The following GCC2 variants were observed in gnomAD, a reference collection of about 807,000 sequenced individuals.
GCC2 encodes the protein GRIP and coiled-coil domain-containing protein 2.
GCC2 carries 120 observed loss-of-function variants against 210.6 expected under a neutral mutation model. The observed-to-expected ratio is 0.57, with a 90% confidence interval of 0.49 to 0.66. The LOEUF is 0.66. Among genes scored for constraint, GCC2 ranks in the 30% least tolerant of loss-of-function variants. The probability of loss-of-function intolerance (pLI) is 0.00; values close to 1 mark genes in which losing one functional copy is unlikely to be tolerated. For missense variants in GCC2, 1,868 were observed against 1,871.9 expected (o/e 1.00, Z 0.04); for synonymous variants, 703 against 652.7 (o/e 1.08, Z -1.17).
chr2:108,482,853 T>C (rs1681940599), intron 11 of GCC2, among the ~76,000 whole-genome samples: 1 of 152,076 alleles, frequency 6.6e-6, no homozygotes, highest in Non-Finnish European at 1.5e-5. Flanking sequence ...ATTTTCCGTG[T>C]GTATTTTTAG....
At chr2:108,482,832 A>G (rs916882136) in intron 11 of GCC2, among the ~76,000 whole-genome samples, 2 of 151,914 alleles carry the variant, frequency 1.3e-5, no homozygotes, top group Admixed American at 1.3e-4. Flanking sequence ...ACTCACCACC[A>G]TGCCCAGCTA....
At chr2:108,449,719 C>T (rs1410323639) in intron 2 of GCC2, 30 bp downstream of exon 2, 3 of 1,585,462 alleles carry the variant, frequency 1.9e-6, no homozygotes, top group Admixed American at 1.7e-5. Context: ...AGCGGGCTTC[C>T]TGAAGAGTGG....
chr2:108,457,646 T>G (rs2104415814), intron 4 of GCC2, among the ~76,000 whole-genome samples: 1 of 152,332 alleles, frequency 6.6e-6, no homozygotes. Context: ...CTCTTCAGTT[T>G]CTTTCATCTG....
chr2:108,496,286 C>T (rs2581004), intron 20 of GCC2: 2 of 152,168 alleles, frequency 1.3e-5, no homozygotes, highest in South Asian at 2.1e-4. Flanking sequence ...ATTTTATTAC[C>T]TGTAATTAAT....
At chr2:108,460,651 C>T (rs1462329114) in intron 4 of GCC2, among the ~76,000 whole-genome samples, 2 of 152,148 alleles carry the variant, frequency 1.3e-5, no homozygotes, top group Non-Finnish European at 2.9e-5. Flanking sequence ...AGCTTTTGCT[C>T]GTCTGGAGAA....
intron 4 of GCC2, among the ~76,000 whole-genome samples, chr2:108,457,169 GGT>G (rs1352088182): frequency 6.6e-6 from 1 of 152,062 alleles, no homozygotes; most frequent in African/African-American, 2.4e-5. Context: ...TCAACTAAAT[GGT>G]GAGAGATAGG....
rs573933759 is a variant in GCC2, at chr2:108,497,217, C to T, written c.4782+108C>T. 6.4e-5 allele frequency: 101 copies of T among 1,566,758 alleles called. 1 individual carries two copies. The African/African-American group carries it at 1.0e-3, about 16-fold the overall frequency. On this transcript the variant is annotated intron_variant, in intron 21 of 22. Transcript: ENST00000309863. ...CTGCAAGCTCCACCTCCCAGGTTCA[C>T]GCCATTCTCCTGCCTCAGCCTCCCG...
Position 108,470,601 on chromosome 2 carries a change from A to G in GCC2, c.1272A>G (p.Arg424=). Reference sequence around the variant, plus strand: ...GCTATACTGTAGAACAGCATAACAGAGAAGTACAGAGTCTTAAGGAACAAC... The same window carrying G: ...GCTATACTGTAGAACAGCATAACAGGGAAGTACAGAGTCTTAAGGAACAAC... ...QFCYTVEQHN[R]EVQSLKEQHQ... The change falls in exon 6 of 23, where the codon AGA becomes AGG. Residue 424 remains arginine (R), a synonymous_variant. Transcript: ENST00000309863. The G allele has an allele frequency of 6.2e-7, 1 of 1,611,190 alleles. No homozygotes were observed. The highest frequency in any genetic ancestry group is 8.5e-7 in the Non-Finnish European group (1 of 1,178,164).
chr2:108,503,146 C>G (rs990350713), intron 22 of GCC2, among the ~76,000 whole-genome samples: 2 of 147,620 alleles, frequency 1.4e-5, no homozygotes, highest in Non-Finnish European at 3.0e-5. Context: ...TTCAAAAACC[C>G]AATAAAATCT....
intron 19 of GCC2, chr2:108,493,506 C>G: frequency 2.0e-6 from 2 of 986,462 alleles, no homozygotes; most frequent in Non-Finnish European, 2.4e-6. Context: ...TAGAAACACT[C>G]AAGCGGCACT....
At chr2:108,505,362 C>A (rs547740863) in intron 22 of GCC2, among the ~76,000 whole-genome samples, 1 of 152,326 alleles carries the variant, frequency 6.6e-6, no homozygotes, top group South Asian at 2.1e-4. Context: ...TCTAGAAGTT[C>A]TTCAGATTGT....
At chr2:108,500,833 A>G (rs1277951941) in intron 22 of GCC2, among the ~76,000 whole-genome samples, 2 of 151,954 alleles carry the variant, frequency 1.3e-5, no homozygotes, top group African/African-American at 2.4e-5. Flanking sequence ...CCCACACATC[A>G]TTTCTTTCCC....
rs1558740890 is a variant in GCC2, at chr2:108,471,457, G to A, written c.2128G>A (p.Val710Ile). ...EKKQLSRDLE[V>I]FLSQKEDVIL... ...AAAACAGTTGAGTAGGGATTTGGAG[G>A]TTTTTTTGTCTCAAAAAGAAGATGT... Residue 710 changes from valine (V) to isoleucine (I), a missense_variant, in exon 6 of 23, where the codon GTT (valine) becomes ATT (isoleucine). Val to Ile is a conservative substitution (Grantham distance 29). Around this residue, in one of 3 missense-constraint regions of GCC2, gnomAD observed 1,847 missense variants for 1,765.2 expected, o/e 1.05. Transcript: ENST00000309863. The A allele has an allele frequency of 6.2e-7, 1 of 1,609,882 alleles. No individual in the cohort carries two copies. The highest frequency in any genetic ancestry group is 8.5e-7 in the Non-Finnish European group (1 of 1,178,810).
In GCC2 at chr2:108,449,217, CA is replaced by C; in HGVS notation, c.-55del. 1 of 1,532,818 alleles carries C rather than the reference CA, an allele frequency of 6.5e-7. No individual in the cohort carries two copies. The highest frequency in any genetic ancestry group is 8.8e-7 in the Non-Finnish European group (1 of 1,131,758). 95.0% of individuals were successfully genotyped at this position (1,532,818 alleles called of 1,614,324 possible). A position where few individuals can be genotyped will look rare whatever the true frequency, so the allele number is the denominator to read the frequency against. ...GTAGAGCCTACGTCAGAGGCTGGCG[CA>C]AACAGAAGTGCAGCGGTGGCGGCGG... On this transcript the variant is annotated 5_prime_UTR_variant, in exon 1 of 23. Transcript: ENST00000309863.
chr2:108,486,663 G>A lies in GCC2; in HGVS notation c.3930+15G>A, dbSNP rs374103059. The A allele has an allele frequency of 1.2e-4, 196 of 1,600,680 alleles. No individual in the cohort carries two copies. The highest frequency in any genetic ancestry group is 1.5e-4 in the Non-Finnish European group (177 of 1,173,392). On this transcript the variant is annotated intron_variant, in intron 16 of 22. Coordinates refer to ENST00000309863, the MANE Select transcript of GCC2 (RefSeq NM_181453.4). ...GTGCTGCCAAGGTGCGTTCTTCAGG[G>A]CAGCCACAGCAAGCCACTGGGATTT... is the stretch of plus-strand genomic sequence containing the variant.
intron 4 of GCC2, among the ~76,000 whole-genome samples, chr2:108,455,870 A>G (rs1015061251): frequency 1.3e-5 from 2 of 152,238 alleles, no homozygotes; most frequent in African/African-American, 4.8e-5. Flanking sequence ...TAGTGCTGCA[A>G]TAAACACAGG....
At chr2:108,501,607 CCCTAA>C (rs1682929338) in intron 22 of GCC2, among the ~76,000 whole-genome samples, 4 of 151,870 alleles carry the variant, frequency 2.6e-5, no homozygotes, top group Non-Finnish European at 5.9e-5. Context: ...CCCCTGTAAA[CCCTAA>C]TAACTAAACT....
intron 4 of GCC2, among the ~76,000 whole-genome samples, chr2:108,456,827 T>TA (rs1470347164): frequency 1.3e-5 from 2 of 151,996 alleles, no homozygotes; most frequent in Non-Finnish European, 2.9e-5. Flanking sequence ...AACATGCCTG[T>TA]AGTCCCATCT....
intron 6 of GCC2, among the ~76,000 whole-genome samples, 170 bp downstream of exon 6, chr2:108,472,286 T>C (rs1681274659): frequency 6.6e-6 from 1 of 152,160 alleles, no homozygotes; most frequent in South Asian, 2.1e-4. Flanking sequence ...ATGTCCAGTT[T>C]ATTACATTTA....
Sources: gnomAD v4.1 joint callset for allele counts (sites outside exome capture counted in the v4.1 genomes callset) on GRCh38, gnomAD v4.1.1 for gene constraint, gnomAD v4.1.1 regional missense constraint, MANE v1.5 for transcripts, NCBI Gene and HGNC (gene_info 2026-07-23, HGNC 2026-07-21) for gene names.